Variants in NRG3 observed in about 807,000 individuals in gnomAD.
NRG3 encodes the protein pro-neuregulin-3, membrane-bound isoform.
Under a neutral mutation model 66.9 loss-of-function variants are expected in NRG3, and 31 were observed. That is an observed-to-expected ratio of 0.46 (90% CI 0.35 to 0.63). NRG3 has a LOEUF of 0.63. NRG3 is among the 20% of genes least tolerant of loss of function. The pLI, the probability that NRG3 is intolerant of heterozygous loss-of-function variation, is 0.00. For missense variants in NRG3, 910 were observed against 878.9 expected, an observed-to-expected ratio of 1.04 and a Z score of -0.45; for synonymous variants, 393 against 359.4, an observed-to-expected ratio of 1.09 and a Z score of -1.06.
At chr10:82,532,514 T>C (rs906496478) in intron 2 of NRG3, among the ~76,000 whole-genome samples, 2 of 147,782 alleles carry the variant, frequency 1.4e-5, no homozygotes, top group Admixed American at 6.8e-5. Flanking sequence ...TACATCTATA[T>C]GTATATAGTA....
intron 2 of NRG3, among the ~76,000 whole-genome samples, chr10:82,522,043 T>C (rs1846243922): frequency 6.9e-6 from 1 of 144,696 alleles, no homozygotes; most frequent in Non-Finnish European, 1.5e-5. Context: ...TGAAGTCTTT[T>C]TTTTTTTTTT....
chr10:82,709,678 T>G (rs1444855574), intron 2 of NRG3, among the ~76,000 whole-genome samples: 1 of 152,086 alleles, frequency 6.6e-6, no homozygotes, highest in Admixed American at 6.6e-5. Context: ...TTGGCTTGTT[T>G]TCTTTGGGAT....
At chr10:82,774,178 C>G (rs1427720973) in intron 3 of NRG3, among the ~76,000 whole-genome samples, 1 of 152,084 alleles carries the variant, frequency 6.6e-6, no homozygotes, top group African/African-American at 2.4e-5. Flanking sequence ...ATTAGTTTTG[C>G]TAGTGTTTTA....
At chr10:82,236,872 C>T (rs566249561) in intron 1 of NRG3, among the ~76,000 whole-genome samples, 3 of 152,090 alleles carry the variant, frequency 2.0e-5, no homozygotes, top group African/African-American at 7.2e-5. Context: ...CCCACCACAA[C>T]GCCCAGCTAG....
At position 82,986,159 on chromosome 10, in the gene NRG3, G is replaced by A. The variant is rs564626931; in HGVS notation, c.*554G>A. The A allele has an allele frequency of 1.5e-4, 23 of 152,746 alleles. No individual in the cohort carries two copies. Among genetic ancestry groups the A allele is most frequent in the African/African-American group, 5.5e-4 (23 of 41,584 alleles). 9.5% of individuals were successfully genotyped at this position (152,746 alleles called of 1,614,324 possible). The stretch of plus-strand genomic sequence containing the variant: ...ATGGGAAGGAGGACAGGAGATAGAA[G>A]GAGAAACCGGGGGCAATCTTAACTA... On this transcript the variant is annotated 3_prime_UTR_variant, in exon 9 of 9. Transcript: ENST00000372141.
intron 1 of NRG3, among the ~76,000 whole-genome samples, chr10:81,927,334 C>G (rs1463059224): frequency 2.6e-5 from 4 of 151,976 alleles, no homozygotes. Context: ...GGAGAATGGT[C>G]GTAGTCTAAA....
intron 4 of NRG3, among the ~76,000 whole-genome samples, chr10:82,874,865 G>C (rs1320513516): frequency 1.3e-5 from 2 of 152,186 alleles, no homozygotes; most frequent in Non-Finnish European, 2.9e-5. Flanking sequence ...TACTCTTGCA[G>C]TGTTTCAAAT....
At chr10:82,159,651 A>G (rs1239936036) in intron 1 of NRG3, among the ~76,000 whole-genome samples, 1 of 151,924 alleles carries the variant, frequency 6.6e-6, no homozygotes, top group Non-Finnish European at 1.5e-5. Context: ...AATAGAAACC[A>G]TGCCTTCGTT....
At chr10:82,504,901 C>T (rs181116667) in intron 2 of NRG3, among the ~76,000 whole-genome samples, 296 of 151,790 alleles carry the variant, frequency 2.0e-3, no homozygotes, top group African/African-American at 6.7e-3. Flanking sequence ...AGCATAAACA[C>T]ACATTCCCAT....
chr10:82,437,371 GT>G (rs1564920499), intron 2 of NRG3, among the ~76,000 whole-genome samples: 2 of 151,696 alleles, frequency 1.3e-5, no homozygotes, highest in East Asian at 3.9e-4. Flanking sequence ...CTTGTGCTGT[GT>G]TTTTCGGCTT....
intron 1 of NRG3, among the ~76,000 whole-genome samples, chr10:81,963,819 T>C (rs1460092842): frequency 1.3e-5 from 2 of 152,192 alleles, no homozygotes; most frequent in Non-Finnish European, 2.9e-5. Flanking sequence ...AGGAATGTTT[T>C]CATTAGTTTT....
chr10:82,166,542 C>T (rs1052556948), intron 1 of NRG3, among the ~76,000 whole-genome samples: 16 of 151,780 alleles, frequency 1.1e-4, no homozygotes, highest in African/African-American at 3.6e-4. Context: ...ACATATATTT[C>T]ACTTTTGCCC....
At chr10:82,479,937 C>T (rs2132134938) in intron 2 of NRG3, among the ~76,000 whole-genome samples, 1 of 152,314 alleles carries the variant, frequency 6.6e-6, no homozygotes, top group Non-Finnish European at 1.5e-5. Context: ...CACTGCACTC[C>T]AGCCTGGGCT....
At chr10:82,407,091 T>TG (rs1335405760) in intron 2 of NRG3, among the ~76,000 whole-genome samples, 1 of 58,358 alleles carries the variant, frequency 1.7e-5, no homozygotes, top group African/African-American at 2.5e-4. Flanking sequence ...TTTTATTTTA[T>TG]TTTTTTTCCA....
chr10:82,633,499 G>A (rs778559300), intron 2 of NRG3, among the ~76,000 whole-genome samples: 3 of 152,128 alleles, frequency 2.0e-5, no homozygotes, highest in Non-Finnish European at 4.4e-5. Context: ...GCGGACAAGT[G>A]TAACGCCATT....
chr10:82,796,454 C>A (rs764921149), intron 3 of NRG3, among the ~76,000 whole-genome samples: 1 of 152,084 alleles, frequency 6.6e-6, no homozygotes, highest in Non-Finnish European at 1.5e-5. Context: ...ACCCTGTGGA[C>A]TCTCAAAACT....
intron 1 of NRG3, among the ~76,000 whole-genome samples, chr10:81,896,654 C>T (rs1843551513): frequency 7.1e-6 from 1 of 140,398 alleles, no homozygotes; most frequent in African/African-American, 2.8e-5. Context: ...GGATGAGAAT[C>T]TAGGGCTTTT....
At chr10:82,911,149 A>C (rs1287191767) in intron 4 of NRG3, among the ~76,000 whole-genome samples, 1 of 152,196 alleles carries the variant, frequency 6.6e-6, no homozygotes, top group African/African-American at 2.4e-5. Flanking sequence ...GAAATCAAAG[A>C]ATATTAAGAT....
chr10:82,350,314 T>C (rs534222110), intron 1 of NRG3, among the ~76,000 whole-genome samples: 1 of 152,346 alleles, frequency 6.6e-6, no homozygotes, highest in East Asian at 1.9e-4. Context: ...TTATGATACT[T>C]ATTCACAGAA....
Sources: allele counts gnomAD v4.1 joint callset (sites outside exome capture counted in the v4.1 genomes callset), GRCh38; gene constraint gnomAD v4.1.1; transcripts MANE v1.5; gene names NCBI Gene and HGNC (gene_info 2026-07-23, HGNC 2026-07-21).